Variants in MERTK observed in about 807,000 individuals in gnomAD.
The protein encoded by MERTK is tyrosine-protein kinase Mer.
Under a neutral mutation model 99.3 loss-of-function variants are expected in MERTK, and 69 were observed. That is an observed-to-expected ratio of 0.70 (90% CI 0.57 to 0.85). MERTK has a LOEUF of 0.85. Among genes scored for constraint, MERTK ranks in the 40% least tolerant of loss-of-function variants. The pLI, the probability that MERTK is intolerant of heterozygous loss-of-function variation, is 0.00. For missense variants in MERTK, 1,125 were observed against 1,249.4 expected (o/e 0.90, Z 1.50); for synonymous variants, 426 against 467.6 (o/e 0.91, Z 1.15).
chr2:111,994,429 T>C, intron 9 of MERTK, 25 bp downstream of exon 9: 1 of 1,613,784 alleles, frequency 6.2e-7, no homozygotes, highest in Non-Finnish European at 8.5e-7. Context: ...CAGTAAGGGC[T>C]GATAGGATGT....
chr2:111,928,924 C>A (rs1684617776), intron 1 of MERTK, among the ~76,000 whole-genome samples, 196 bp from the exon 2 acceptor site: 1 of 152,048 alleles, frequency 6.6e-6, no homozygotes, highest in Non-Finnish European at 1.5e-5. Flanking sequence ...CAGGACTCTT[C>A]CAGAGGCGAG....
chr2:111,968,288 G>T (rs567714277), intron 6 of MERTK, 36 bp downstream of exon 6: 1 of 1,528,152 alleles, frequency 6.5e-7, no homozygotes, highest in South Asian at 1.1e-5. Context: ...GTAGCTGTTT[G>T]GTGCTCTCTG....
chr2:112,010,164 G>A (rs552214439), intron 15 of MERTK, 98 bp downstream of exon 15: 64 of 937,380 alleles, frequency 6.8e-5, no homozygotes, highest in Non-Finnish European at 8.4e-5. Context: ...AAGCCAGGAA[G>A]GAGAGGACGT....
Position 112,028,590 on chromosome 2 carries a change from G to A in MERTK, c.2726G>A (p.Arg909His), listed in dbSNP as rs149131360. Residue 909 changes from arginine (R) to histidine (H), a missense_variant, in exon 19 of 19, where the codon CGC (arginine) becomes CAC (histidine). Physicochemically the swap from Arg to His is conservative, Grantham distance 29 (BLOSUM62 0). Coordinates refer to ENST00000295408, the MANE Select transcript of MERTK (RefSeq NM_006343.3). ...PDSIIASCTPRAAISVVTAEV... is the reference protein window; with the variant it reads ...PDSIIASCTPHAAISVVTAEV... The stretch of plus-strand genomic sequence containing the variant: ...TCTATAATTGCCTCCTGCACTCCCC[G>A]CGCTGCCATCAGTGTGGTCACAGCA... The A allele has an allele frequency of 5.1e-5, 83 of 1,614,106 alleles. No homozygotes were observed. In the African/African-American group the frequency reaches 8.4e-4, roughly 16 times the overall value.
chr2:111,919,526 G>C (rs1684414963), intron 1 of MERTK, among the ~76,000 whole-genome samples: 3 of 152,154 alleles, frequency 2.0e-5, no homozygotes, highest in African/African-American at 7.2e-5. Flanking sequence ...GTCGAGGTCA[G>C]ATTCTGGAAG....
chr2:111,997,070 A>G (rs1676760861), intron 9 of MERTK: 1 of 566,042 alleles, frequency 1.8e-6, no homozygotes, highest in South Asian at 1.8e-5. Flanking sequence ...AAAATTGTAT[A>G]TACCTGTGGA....
intron 7 of MERTK, among the ~76,000 whole-genome samples, chr2:111,977,545 G>A (rs1676277284): frequency 1.3e-5 from 2 of 152,070 alleles, no homozygotes; most frequent in African/African-American, 2.4e-5. Flanking sequence ...TTATTTATAT[G>A]CCTTGTGTTT....
chr2:111,900,282 C>T (rs928075558), intron 1 of MERTK, among the ~76,000 whole-genome samples: 7 of 152,146 alleles, frequency 4.6e-5, no homozygotes, highest in African/African-American at 1.4e-4. Context: ...ATTACATAAG[C>T]AATTTATAAT....
chr2:111,940,452 T>C, intron 2 of MERTK: 1 of 555,252 alleles, frequency 1.8e-6, no homozygotes, highest in South Asian at 1.4e-5. Flanking sequence ...CATTAAGAAC[T>C]GCATCTCCTG....
Position 111,965,273 on chromosome 2 carries a change from C to G in MERTK, c.840C>G (p.Ile280Met), listed in dbSNP as rs1276535452. Residue 280 changes from isoleucine (I) to methionine (M), a missense_variant, in exon 5 of 19, where the codon ATC (isoleucine) becomes ATG (methionine). Coordinates refer to ENST00000295408, the MANE Select transcript of MERTK (RefSeq NM_006343.3). ...TGTCCAAGGGAGTGCAGATCAACATCAAAGGTAAGCAGCAAGGCTAGGCTC... is the reference window on the plus strand; with the variant it reads ...TGTCCAAGGGAGTGCAGATCAACATGAAAGGTAAGCAGCAAGGCTAGGCTC... The part of the protein sequence containing the change: ...LTVSKGVQIN[I>M]KAIPSPPTEV... 1 of 1,613,962 alleles carries G rather than the reference C, an allele frequency of 6.2e-7. No homozygotes were observed. The highest frequency in any genetic ancestry group is 8.5e-7 in the Non-Finnish European group (1 of 1,179,984).
chr2:112,008,099 A>G (rs1331581469), intron 13 of MERTK, among the ~76,000 whole-genome samples: 3 of 152,170 alleles, frequency 2.0e-5, no homozygotes, highest in African/African-American at 7.2e-5. Flanking sequence ...TCTTGGTGTT[A>G]TACAGCTCTG....
intron 9 of MERTK, chr2:111,994,959 C>CT: frequency 4.5e-6 from 1 of 222,134 alleles, no homozygotes; most frequent in Non-Finnish European, 9.1e-6. Context: ...CCAACTTTGG[C>CT]TTTACTTATT....
intron 1 of MERTK, among the ~76,000 whole-genome samples, chr2:111,907,463 T>A (rs1310122696): frequency 6.6e-6 from 1 of 152,200 alleles, no homozygotes; most frequent in Non-Finnish European, 1.5e-5. Flanking sequence ...CAGTTGCCAT[T>A]CCCTGCCACC....
intron 5 of MERTK, 107 bp downstream of exon 5, chr2:111,965,384 T>C: frequency 9.5e-7 from 1 of 1,052,268 alleles, no homozygotes; most frequent in Non-Finnish European, 1.5e-6. Flanking sequence ...TCTCACTGTC[T>C]CAAGGTTCTT....
At chr2:112,026,259 G>A (rs1393006457) in intron 18 of MERTK, 2 of 152,756 alleles carry the variant, frequency 1.3e-5, no homozygotes, top group East Asian at 3.8e-4. Flanking sequence ...ATTTGATAAG[G>A]TATTGAATAT....
chr2:111,981,065 C>T (rs1558795675), intron 7 of MERTK, among the ~76,000 whole-genome samples: 1 of 152,306 alleles, frequency 6.6e-6, no homozygotes, highest in East Asian at 1.9e-4. Context: ...ATTTCATAGG[C>T]AGCTTTAGTT....
chr2:111,991,548 G>A (rs999639506), intron 8 of MERTK, among the ~76,000 whole-genome samples: 8 of 151,674 alleles, frequency 5.3e-5, no homozygotes, highest in Admixed American at 1.3e-4. Flanking sequence ...TCTGAAAAAG[G>A]TATCACCAGA....
rs1382285568 is a variant in MERTK at position 111,929,248 on chromosome 2, A to G, written c.190A>G (p.Met64Val). The G allele has an allele frequency of 5.0e-6, 8 of 1,614,184 alleles. No individual in the cohort carries two copies. The Admixed American group carries it at 1.3e-4, about 27-fold the overall frequency. ...PHASGYQPALMFSPTQPGRPH... is the reference protein window; with the variant it reads ...PHASGYQPALVFSPTQPGRPH... ...CGCCAGTGGGTACCAGCCTGCCTTG[A>G]TGTTTTCACCAACCCAGCCTGGAAG... The change falls in exon 2 of 19, where the codon ATG becomes GTG. Residue 64 changes from methionine (M) to valine (V), a missense_variant. Transcript: ENST00000295408.
In MERTK at chr2:111,918,052, C is replaced by T. The variant is rs185320071; in HGVS notation, c.62-11068C>T. 1.3e-3 allele frequency among the ~76,000 whole-genome samples: 193 copies of T among 152,194 alleles called. 3 individuals carry two copies. Among genetic ancestry groups the T allele is most frequent in the African/African-American group, 4.4e-3 (183 of 41,538 alleles). ...ACTCTGTAACCATTAAACACTAATT[C>T]CCCATTCCCTCTCCCCTTAGCCACT... On this transcript the variant is annotated intron_variant, in intron 1 of 18. Transcript: ENST00000295408.
Sources: allele counts gnomAD v4.1 joint callset (sites outside exome capture counted in the v4.1 genomes callset), GRCh38; gene constraint gnomAD v4.1.1; transcripts MANE v1.5; gene names NCBI Gene and HGNC (gene_info 2026-07-23, HGNC 2026-07-21).